GAREM1: variants seen among roughly 807,000 people sequenced by gnomAD.
GAREM1 encodes the protein GRB2-associated and regulator of MAPK protein 1.
Under a neutral mutation model 71.3 loss-of-function variants are expected in GAREM1, and 26 were observed. That is an observed-to-expected ratio of 0.36 (90% CI 0.27 to 0.51). The LOEUF is 0.51. Among genes scored for constraint, GAREM1 ranks in the 20% least tolerant of loss-of-function variants. The pLI is 0.95. For synonymous variants in GAREM1, 440 were observed against 433.2 expected, an observed-to-expected ratio of 1.02 and a Z score of -0.20; for missense variants, 1,026 against 1,103.1, an observed-to-expected ratio of 0.93 and a Z score of 0.99.
At chr18:32,467,114 A>C (rs1472322049) in intron 1 of GAREM1, among the ~76,000 whole-genome samples, 1 of 152,156 alleles carries the variant, frequency 6.6e-6, no homozygotes, top group Non-Finnish European at 1.5e-5. Flanking sequence ...GAGTCATCTC[A>C]ACAGACACAT....
chr18:32,292,523 T>C (rs1345235544), intron 3 of GAREM1, among the ~76,000 whole-genome samples: 1 of 152,170 alleles, frequency 6.6e-6, no homozygotes, highest in Non-Finnish European at 1.5e-5. Flanking sequence ...GGAATTGTAA[T>C]AATCCCCACT....
intron 1 of GAREM1, among the ~76,000 whole-genome samples, chr18:32,398,996 G>A (rs957271276): frequency 5.9e-5 from 9 of 152,094 alleles, no homozygotes; most frequent in Admixed American, 6.5e-5. Context: ...TTCATCCCTG[G>A]GATGCAAGGC....
chr18:32,364,028 G>GTTTT (rs1157200391), intron 2 of GAREM1, among the ~76,000 whole-genome samples: 44 of 21,668 alleles, frequency 2.0e-3, no homozygotes, highest in Non-Finnish European at 2.5e-3. Flanking sequence ...ATATATATAT[G>GTTTT]TTTTTTTTTT....
At chr18:32,347,574 C>T (rs549827602) in intron 2 of GAREM1, among the ~76,000 whole-genome samples, 138 of 152,156 alleles carry the variant, frequency 9.1e-4, no homozygotes, top group African/African-American at 1.3e-3. Context: ...TTTTCAAAGG[C>T]GAACTGAGGG....
At chr18:32,444,075 T>C (rs1189664257) in intron 1 of GAREM1, among the ~76,000 whole-genome samples, 2 of 152,034 alleles carry the variant, frequency 1.3e-5, no homozygotes, top group African/African-American at 4.8e-5. Context: ...CAAATCTACA[T>C]GGACAGAAAA....
intron 2 of GAREM1, among the ~76,000 whole-genome samples, chr18:32,356,544 C>T (rs147362355): frequency 6.6e-6 from 1 of 152,262 alleles, no homozygotes; most frequent in South Asian, 2.1e-4. Flanking sequence ...GTCCTAAATA[C>T]ATAATAATAA....
intron 3 of GAREM1, 46 bp from the exon 4 acceptor site, chr18:32,288,249 T>G: frequency 6.8e-7 from 1 of 1,472,776 alleles, no homozygotes; most frequent in Non-Finnish European, 9.1e-7. Flanking sequence ...CTTTGATCTA[T>G]TCACGCAAAG....
intron 1 of GAREM1, among the ~76,000 whole-genome samples, chr18:32,406,876 T>C (rs1199628884): frequency 6.6e-6 from 1 of 152,172 alleles, no homozygotes; most frequent in Non-Finnish European, 1.5e-5. Context: ...CAGACACTGG[T>C]ATCAATCAAA....
chr18:32,371,485 GAT>G (rs1243642340), intron 2 of GAREM1, among the ~76,000 whole-genome samples: 2 of 152,208 alleles, frequency 1.3e-5, no homozygotes, highest in Admixed American at 1.3e-4. Flanking sequence ...AGTCACATTT[GAT>G]ATGCAGAGAA....
intron 4 of GAREM1, among the ~76,000 whole-genome samples, chr18:32,284,821 C>T (rs1048884932): frequency 1.1e-4 from 16 of 149,786 alleles, no homozygotes; most frequent in Admixed American, 2.7e-4. Flanking sequence ...GGGATCTCGG[C>T]TCACTGCAAG....
intron 1 of GAREM1, among the ~76,000 whole-genome samples, chr18:32,439,065 G>A (rs559477205): frequency 1.2e-4 from 18 of 152,094 alleles, no homozygotes; most frequent in Non-Finnish European, 2.2e-4. Flanking sequence ...CTCTAATTGC[G>A]AACAGGTGTC....
Position 32,263,913 on chromosome 18 carries a change from A to G in GAREM1, c.*3958T>C, listed in dbSNP as rs926370931. 4 of 152,250 alleles carry G rather than the reference A, an allele frequency of 2.6e-5. No individual in the cohort carries two copies. The highest frequency in any genetic ancestry group is 9.6e-5 in the African/African-American group (4 of 41,460). 9.4% of individuals were successfully genotyped at this position (152,250 alleles called of 1,614,324 possible). A position where few individuals can be genotyped will look rare whatever the true frequency, so the allele number is the denominator to read the frequency against. Reference sequence around the variant, plus strand: ...AAACAAAGGAAATTTGCGATCTGATAAGCTCTATTACAAAATTTATAGCCT... The same window carrying G: ...AAACAAAGGAAATTTGCGATCTGATGAGCTCTATTACAAAATTTATAGCCT... On this transcript the variant is annotated 3_prime_UTR_variant, in exon 6 of 6. Coordinates refer to ENST00000269209, the MANE Select transcript of GAREM1 (RefSeq NM_001242409.2).
At chr18:32,386,710 A>T (rs1429469922) in intron 2 of GAREM1, among the ~76,000 whole-genome samples, 2 of 152,188 alleles carry the variant, frequency 1.3e-5, no homozygotes, top group Non-Finnish European at 2.9e-5. Context: ...TTACTTCGCA[A>T]ATTGGCAGAC....
intron 2 of GAREM1, among the ~76,000 whole-genome samples, chr18:32,364,553 C>T (rs896545061): frequency 1.3e-5 from 2 of 152,254 alleles, no homozygotes; most frequent in African/African-American, 4.8e-5. Context: ...TTGTGCACAG[C>T]ACACATTTAC....
At position 32,334,241 on chromosome 18, in the gene GAREM1, C is replaced by T. The variant is rs115392202; in HGVS notation, c.263-23918G>A. On this transcript the variant is annotated intron_variant, in intron 2 of 5. Coordinates refer to ENST00000269209, the MANE Select transcript of GAREM1 (RefSeq NM_001242409.2). The stretch of plus-strand genomic sequence containing the variant: ...AGACTTAATCACACCCCGAGGGGGG[C>T]ACATTTTCCAGGCAGTTCGGATGTG... Among the ~76,000 whole-genome samples the T allele has an allele frequency of 8.9e-3, 1,347 of 152,064 alleles. 18 individuals are homozygous for T. Among genetic ancestry groups the T allele is most frequent in the African/African-American group, 0.031 (1,279 of 41,482 alleles).
chr18:32,364,739 T>C (rs2047911917), intron 2 of GAREM1, among the ~76,000 whole-genome samples: 1 of 152,118 alleles, frequency 6.6e-6, no homozygotes, highest in African/African-American at 2.4e-5. Flanking sequence ...TACAGAAAAA[T>C]TCTTTATGAA....
intron 4 of GAREM1, among the ~76,000 whole-genome samples, chr18:32,278,255 A>G (rs1469889462): frequency 6.6e-6 from 1 of 152,190 alleles, no homozygotes; most frequent in African/African-American, 2.4e-5. Context: ...GGATCTAGGG[A>G]CATCTGCTGA....
chr18:32,448,971 T>G (rs1052131712), intron 1 of GAREM1, among the ~76,000 whole-genome samples: 1 of 152,188 alleles, frequency 6.6e-6, no homozygotes, highest in South Asian at 2.1e-4. Context: ...TCAATAAAGA[T>G]GATGGACAGA....
chr18:32,276,827 C>T (rs926120757), intron 4 of GAREM1, among the ~76,000 whole-genome samples: 2 of 152,012 alleles, frequency 1.3e-5, no homozygotes, highest in South Asian at 2.1e-4. Flanking sequence ...GAAGTTATGG[C>T]GGCACTGAGA....
Sources: gnomAD v4.1 joint callset for allele counts (sites outside exome capture counted in the v4.1 genomes callset) on GRCh38, gnomAD v4.1.1 for gene constraint, MANE v1.5 for transcripts, NCBI Gene and HGNC (gene_info 2026-07-23, HGNC 2026-07-21) for gene names.